The following UQCC6 variants were observed in gnomAD, a reference collection of about 807,000 sequenced individuals.
UQCC6 encodes protein BRAWNIN.
chr12:103,963,891 T>C, the UQCC6 span, among the ~76,000 whole-genome samples: 2 of 151,922 alleles, frequency 1.3e-5, no homozygotes, highest in Non-Finnish European at 2.9e-5. Flanking sequence ...CAAAGACAAA[T>C]TGTTTTTTTT....
chr12:103,956,675 A>C, the UQCC6 span: 1 of 1,551,742 alleles, frequency 6.4e-7, no homozygotes, highest in Non-Finnish European at 8.7e-7. Flanking sequence ...GCCCCTGCGC[A>C]CATGGCCAGG....
the UQCC6 span, among the ~76,000 whole-genome samples, chr12:103,960,627 A>C: frequency 6.6e-6 from 1 of 152,238 alleles, no homozygotes; most frequent in East Asian, 1.9e-4. Flanking sequence ...CACCATATTA[A>C]AAATTTTAAA....
the UQCC6 span, among the ~76,000 whole-genome samples, chr12:103,963,558 C>T: frequency 6.6e-6 from 1 of 152,188 alleles, no homozygotes; most frequent in Non-Finnish European, 1.5e-5. Context: ...TAAACATCTT[C>T]ACAATATTTG....
the UQCC6 span, among the ~76,000 whole-genome samples, chr12:103,963,408 ATTC>A: frequency 1.3e-5 from 2 of 152,276 alleles, no homozygotes; most frequent in South Asian, 4.1e-4. Context: ...CCTTATAATA[ATTC>A]TTAAGTCAGG....
At chr12:103,958,936 C>G in the UQCC6 span, among the ~76,000 whole-genome samples, 1 of 152,166 alleles carries the variant, frequency 6.6e-6, no homozygotes, top group Non-Finnish European at 1.5e-5. Flanking sequence ...TTAATTTGCC[C>G]TTTATTGTCC....
the UQCC6 span, chr12:103,956,681 C>A: frequency 6.4e-7 from 1 of 1,551,718 alleles, no homozygotes; most frequent in South Asian, 1.2e-5. Context: ...GCGCACATGG[C>A]CAGGAGACTG....
At chr12:103,954,912 T>C in the UQCC6 span, 1 of 699,638 alleles carries the variant, frequency 1.4e-6, no homozygotes, top group African/African-American at 1.7e-5. Context: ...TCAAATCGTC[T>C]CACTAAGCTA....
At chr12:103,962,473 C>A in the UQCC6 span, among the ~76,000 whole-genome samples, 3 of 151,940 alleles carry the variant, frequency 2.0e-5, no homozygotes, top group Admixed American at 1.3e-4. Flanking sequence ...GCAGGAGGTG[C>A]GACTTGACTC....
chr12:103,951,450 A>G, the UQCC6 span: 8 of 844,424 alleles, frequency 9.5e-6, no homozygotes, highest in Non-Finnish European at 1.3e-5. Context: ...GTGCTTAAGG[A>G]CAAGTAGTTT....
At chr12:103,957,315 T>G in the UQCC6 span, 1 of 151,298 alleles carries the variant, frequency 6.6e-6, no homozygotes, top group Non-Finnish European at 1.5e-5. Flanking sequence ...AGTGACTTTT[T>G]TTTTTTTTAA....
the UQCC6 span, chr12:103,950,629 A>G: frequency 6.6e-6 from 1 of 152,236 alleles, no homozygotes; most frequent in African/African-American, 2.4e-5. Flanking sequence ...GCGCATTTCC[A>G]TGACCACTAC....
the UQCC6 span, chr12:103,953,359 AAC>A: frequency 2.8e-6 from 2 of 701,832 alleles, no homozygotes; most frequent in Non-Finnish European, 5.2e-6. Flanking sequence ...CCTGAACTAC[AAC>A]AGAGTCATCT....
chr12:103,965,472 C>T, the UQCC6 span: 1 of 152,466 alleles, frequency 6.6e-6, no homozygotes, highest in African/African-American at 2.4e-5. Flanking sequence ...GGCCTCGACG[C>T]CCAGGTTTTC....
At chr12:103,954,856 G>C in the UQCC6 span, 1 of 678,236 alleles carries the variant, frequency 1.5e-6, no homozygotes, top group Non-Finnish European at 2.7e-6. Context: ...TTATGAACAG[G>C]AGCAAAAAAG....
chr12:103,952,915 G>A, the UQCC6 span, among the ~76,000 whole-genome samples: 1 of 152,214 alleles, frequency 6.6e-6, no homozygotes, highest in African/African-American at 2.4e-5. Flanking sequence ...TAAGGCAGGA[G>A]TGTGGCTTCA....
chr12:103,965,291 T>C, the UQCC6 span, among the ~76,000 whole-genome samples: 1 of 152,188 alleles, frequency 6.6e-6, no homozygotes, highest in East Asian at 1.9e-4. Flanking sequence ...TGTAAGGTTA[T>C]GGGAGGTGAT....
the UQCC6 span, chr12:103,951,250 T>C: frequency 2.1e-5 from 6 of 280,812 alleles, no homozygotes; most frequent in African/African-American, 6.6e-5. Flanking sequence ...ACAACCCATA[T>C]AGTAGACTTA....
the UQCC6 span, chr12:103,951,095 C>G: frequency 6.5e-6 from 1 of 152,718 alleles, no homozygotes; most frequent in Non-Finnish European, 1.5e-5. Flanking sequence ...AAGCTCACCA[C>G]TTTAGTGTTC....
At chr12:103,954,847 T>A in the UQCC6 span, 2 of 671,258 alleles carry the variant, frequency 3.0e-6, no homozygotes, top group East Asian at 5.4e-5. Context: ...TGGATTATTT[T>A]ATGAACAGGA....
Sources: gnomAD v4.1 joint callset for allele counts (sites outside exome capture counted in the v4.1 genomes callset) on GRCh38, gnomAD v4.1.1 for gene constraint, MANE v1.5 for transcripts, NCBI Gene and HGNC (gene_info 2026-07-23, HGNC 2026-07-21) for gene names.